The following COL5A2 variants were observed in gnomAD, a reference collection of about 807,000 sequenced individuals.
COL5A2 encodes collagen alpha-2(V) chain.
COL5A2 carries 23 observed loss-of-function variants against 208.2 expected under a neutral mutation model. The observed-to-expected ratio is 0.11, with a 90% CI of 0.08 to 0.16. COL5A2 has a LOEUF of 0.16. Among genes scored for constraint, COL5A2 ranks in the 10% least tolerant of loss-of-function variants. COL5A2 has a pLI of 1.00. For missense variants in COL5A2, 1,590 were observed against 1,956.4 expected (o/e 0.81, Z 3.53); for synonymous variants, 625 against 628.5 (o/e 0.99, Z 0.08).
Position 189,128,334 on chromosome 2 carries a change from T to C in COL5A2, c.98-17885A>G, listed in dbSNP as rs148837784. Among the ~76,000 whole-genome samples the C allele has an allele frequency of 9.2e-5, 14 of 152,138 alleles. No individual in the cohort carries two copies. The East Asian group carries it at 1.5e-3, about 17-fold the overall frequency. ...TCCCAGTAATTATCTTTCCAAGCCA[T>C]CCAAAGCTTCAGGTTATTTTTGTAA... On this transcript the variant is annotated intron_variant, in intron 1 of 53. Transcript: ENST00000374866.
At chr2:189,326,748 T>C in the COL5A2 span, among the ~76,000 whole-genome samples, 1 of 150,594 alleles carries the variant, frequency 6.6e-6, no homozygotes, top group African/African-American at 2.4e-5. Flanking sequence ...CACTCCCCAC[T>C]AGAAAAAGTA....
At chr2:189,399,441 G>A in the COL5A2 span, among the ~76,000 whole-genome samples, 1 of 152,026 alleles carries the variant, frequency 6.6e-6, no homozygotes, top group South Asian at 2.1e-4. Context: ...AGTAGAGACA[G>A]GAGCTCACCA....
At chr2:189,120,871 C>T (rs564194231) in intron 1 of COL5A2, among the ~76,000 whole-genome samples, 1 of 152,312 alleles carries the variant, frequency 6.6e-6, no homozygotes, top group South Asian at 2.1e-4. Context: ...AATAAATACA[C>T]TTATTCTTGA....
chr2:189,268,516 G>A, the COL5A2 span, among the ~76,000 whole-genome samples: 3 of 152,064 alleles, frequency 2.0e-5, no homozygotes, highest in Non-Finnish European at 2.9e-5. Context: ...ACTGGAATTG[G>A]CATTCAGAGA....
the COL5A2 span, among the ~76,000 whole-genome samples, chr2:189,392,977 T>C: frequency 6.6e-6 from 1 of 152,190 alleles, no homozygotes; most frequent in African/African-American, 2.4e-5. Flanking sequence ...GTTCCCCATA[T>C]AGTCATATCT....
chr2:189,319,833 G>T, the COL5A2 span, among the ~76,000 whole-genome samples: 1 of 152,188 alleles, frequency 6.6e-6, no homozygotes, highest in African/African-American at 2.4e-5. Flanking sequence ...TTCCAGCACA[G>T]AGTTTGAGAT....
chr2:189,258,824 C>T, the COL5A2 span, among the ~76,000 whole-genome samples: 2 of 152,062 alleles, frequency 1.3e-5, no homozygotes, highest in Non-Finnish European at 2.9e-5. Context: ...CCAGGAGAAC[C>T]GGGTGCCAAC....
chr2:189,256,079 T>C, the COL5A2 span, among the ~76,000 whole-genome samples: 2 of 152,322 alleles, frequency 1.3e-5, no homozygotes, highest in South Asian at 2.1e-4. Context: ...GTGCCTGTTA[T>C]ATTCCAGGCA....
chr2:189,385,394 A>G, the COL5A2 span, among the ~76,000 whole-genome samples: 1 of 152,190 alleles, frequency 6.6e-6, no homozygotes, highest in Non-Finnish European at 1.5e-5. Flanking sequence ...GTACAAAAAA[A>G]CCTAGGAACA....
At chr2:189,191,837 T>C (rs767644767) in intron 1 of COL5A2, among the ~76,000 whole-genome samples, 8 of 151,992 alleles carry the variant, frequency 5.3e-5, no homozygotes, top group Non-Finnish European at 1.0e-4. Context: ...GAATGCTGTG[T>C]CTTGAGGGAG....
chr2:189,396,649 G>GGGTAACA, the COL5A2 span, among the ~76,000 whole-genome samples: 1 of 132,186 alleles, frequency 7.6e-6, no homozygotes, highest in African/African-American at 2.8e-5. Flanking sequence ...ACTCCAGCCT[G>GGGTAACA]GGTAACAGAG....
the COL5A2 span, among the ~76,000 whole-genome samples, chr2:189,306,684 T>A: frequency 6.6e-6 from 1 of 152,232 alleles, no homozygotes; most frequent in Non-Finnish European, 1.5e-5. Flanking sequence ...TCAGCTGTCA[T>A]TCTTTCTAAA....
At chr2:189,163,271 A>T (rs1324212250) in intron 1 of COL5A2, among the ~76,000 whole-genome samples, 5 of 152,182 alleles carry the variant, frequency 3.3e-5, no homozygotes, top group Admixed American at 2.6e-4. Context: ...AAGCATTGCA[A>T]AGATGAATCC....
At chr2:189,061,741 C>T (rs1168197779) in intron 29 of COL5A2, 126 bp from the exon 30 acceptor site, 14 of 778,324 alleles carry the variant, frequency 1.8e-5, no homozygotes, top group Non-Finnish European at 3.1e-5. Context: ...TTCTCTTTAG[C>T]CAGGTAATAA....
At chr2:189,049,571 A>G (rs1685741072) in intron 43 of COL5A2, 117 bp from the exon 44 acceptor site, 1 of 777,320 alleles carries the variant, frequency 1.3e-6, no homozygotes. Context: ...ATAATTTTGC[A>G]TTATCTTACA....
At chr2:189,176,709 A>G (rs981066059) in intron 1 of COL5A2, among the ~76,000 whole-genome samples, 1 of 151,914 alleles carries the variant, frequency 6.6e-6, no homozygotes, top group African/African-American at 2.4e-5. Flanking sequence ...CACCACACGC[A>G]CACACACACG....
the COL5A2 span, among the ~76,000 whole-genome samples, chr2:189,372,813 AT>A: frequency 6.6e-6 from 1 of 152,184 alleles, no homozygotes; most frequent in Non-Finnish European, 1.5e-5. Flanking sequence ...TAGTAGGTAT[AT>A]TTAAAAAAAT....
the COL5A2 span, among the ~76,000 whole-genome samples, chr2:189,409,577 A>G: frequency 6.6e-6 from 1 of 152,198 alleles, no homozygotes; most frequent in African/African-American, 2.4e-5. Flanking sequence ...CAAGATGGAA[A>G]AACTTCAATA....
intron 52 of COL5A2, 136 bp from the exon 53 acceptor site, chr2:189,035,291 T>A: frequency 8.7e-7 from 1 of 1,148,344 alleles, no homozygotes; most frequent in Non-Finnish European, 1.2e-6. Context: ...TGTCATAAAG[T>A]AAGCTATTCT....
Sources: allele counts gnomAD v4.1 joint callset (sites outside exome capture counted in the v4.1 genomes callset), GRCh38; gene constraint gnomAD v4.1.1; transcripts MANE v1.5; gene names NCBI Gene and HGNC (gene_info 2026-07-23, HGNC 2026-07-21).